KHSRP: variants seen among roughly 807,000 people sequenced by gnomAD.
KHSRP encodes far upstream element-binding protein 2.
Under a neutral mutation model 94.9 loss-of-function variants are expected in KHSRP, and 13 were observed. That is an observed-to-expected ratio of 0.14 (90% confidence interval 0.09 to 0.22). KHSRP has a LOEUF of 0.22. KHSRP is among the 10% of genes least tolerant of loss of function. KHSRP has a pLI of 1.00. For missense variants in KHSRP, 710 were observed against 1,010.0 expected (o/e 0.70, Z 4.03); for synonymous variants, 495 against 401.4 (o/e 1.23, Z -2.79).
At chr19:6,420,242 C>G (rs1428116093) in intron 5 of KHSRP, 98 bp from the exon 6 acceptor site, 7 of 1,209,648 alleles carry the variant, frequency 5.8e-6, no homozygotes, top group African/African-American at 1.5e-5. Flanking sequence ...CTCTGACGTT[C>G]AGGAGGGCAG....
rs577586839 is a variant in KHSRP, at chr19:6,414,511, G to A, written c.*513C>T. 9.5e-6 allele frequency: 10 copies of A among 1,052,684 alleles called. No homozygotes were observed. Among genetic ancestry groups the A allele is most frequent in the East Asian group, 1.5e-4 (2 of 13,118 alleles). The allele number at this position is 1,052,684 out of a possible 1,614,324, so 65.2% of individuals were successfully genotyped here. A position where few individuals can be genotyped will look rare whatever the true frequency, so the allele number is the denominator to read the frequency against. On this transcript the variant is annotated 3_prime_UTR_variant, in exon 19 of 19. Coordinates refer to ENST00000600480, the MANE Select transcript of KHSRP (RefSeq NM_001366299.1). Reference sequence around the variant, plus strand: ...GTGAGGTAGGTTGGAAGGTGGCAACGATCTTCACGCCCACTTCACAGACAA... The same window carrying A: ...GTGAGGTAGGTTGGAAGGTGGCAACAATCTTCACGCCCACTTCACAGACAA...
Position 6,421,329 on chromosome 19 carries a change from A to C in KHSRP, c.386-12T>G. On this transcript the variant is annotated splice_polypyrimidine_tract_variant and intron_variant, in intron 3 of 18. Coordinates refer to ENST00000600480, the MANE Select transcript of KHSRP (RefSeq NM_001366299.1). ...TTGAGAACTGATTGCTGTAGAGAGA[A>C]AACCCAAAGCAAAGACTGGCTTAGC... is the stretch of plus-strand genomic sequence containing the variant. 2 of 1,585,288 alleles carry C rather than the reference A, an allele frequency of 1.3e-6. No homozygotes were observed. The highest frequency in any genetic ancestry group is 1.7e-6 in the Non-Finnish European group (2 of 1,166,192).
intron 11 of KHSRP, among the ~76,000 whole-genome samples, chr19:6,417,293 G>C (rs1043468027): frequency 6.6e-6 from 1 of 152,212 alleles, no homozygotes; most frequent in African/African-American, 2.4e-5. Flanking sequence ...CCAGGAGGTG[G>C]CTCAAGCTTC....
At chr19:6,417,495 A>G (rs1247451333) in intron 11 of KHSRP, among the ~76,000 whole-genome samples, 2 of 152,194 alleles carry the variant, frequency 1.3e-5, no homozygotes, top group Non-Finnish European at 2.9e-5. Context: ...GATAGGCTCC[A>G]TCGTAGGGGG....
chr19:6,415,304 G>A lies in KHSRP; in HGVS notation c.1967-3C>T, dbSNP rs750906937. ...ACCCCCTCCGGTGGCCACTTGCGCTGTGGGTGGACAAAGGCAGGTGAGAGG... is the reference window on the plus strand; with the variant it reads ...ACCCCCTCCGGTGGCCACTTGCGCTATGGGTGGACAAAGGCAGGTGAGAGG... On this transcript the variant is annotated splice_polypyrimidine_tract_variant and splice_region_variant and intron_variant, in intron 18 of 18. Coordinates refer to ENST00000600480, the MANE Select transcript of KHSRP (RefSeq NM_001366299.1). 2 of 1,613,396 alleles carry A rather than the reference G, an allele frequency of 1.2e-6. No individual in the cohort carries two copies. The highest frequency in any genetic ancestry group is 1.7e-6 in the Non-Finnish European group (2 of 1,179,816).
chr19:6,415,889 C>T lies in KHSRP; in HGVS notation c.1606G>A (p.Gly536Arg). 6.6e-7 allele frequency: 1 copy of T among 1,519,794 alleles called. No individual in the cohort carries two copies. Among genetic ancestry groups the T allele is most frequent in the Non-Finnish European group, 8.8e-7 (1 of 1,133,218 alleles). The allele number at this position is 1,519,794 out of a possible 1,614,324, so 94.1% of individuals were successfully genotyped here. A position where few individuals can be genotyped will look rare whatever the true frequency, so the allele number is the denominator to read the frequency against. ...GGTGGGTACTGGTGAGGAGGGGGCC[C>T]CCCGGCACTGCAGGAGAGAAGAAAG... ...GPPGAPPHAG[G>R]PPPHQYPPQG... Residue 536 changes from glycine to arginine, a missense_variant, in exon 16 of 19, where the codon GGG becomes AGG. Physicochemically the swap from Gly to Arg is moderately radical, Grantham distance 125. Transcript: ENST00000600480.
chr19:6,420,008 T>C, intron 6 of KHSRP, 65 bp downstream of exon 6: 1 of 1,249,342 alleles, frequency 8.0e-7, no homozygotes, highest in East Asian at 2.4e-5. Flanking sequence ...AATTAAGTAA[T>C]TAAAGGAAAG....
In KHSRP at chr19:6,413,985, C is replaced by T. The variant is rs1387221421; in HGVS notation, c.*1039G>A. The T allele has an allele frequency of 3.6e-5, 47 of 1,312,906 alleles. No individual in the cohort carries two copies. Among genetic ancestry groups the T allele is most frequent in the East Asian group, 2.7e-4 (10 of 37,686 alleles). The allele number at this position is 1,312,906 out of a possible 1,614,324, so 81.3% of individuals were successfully genotyped here. A position where few individuals can be genotyped will look rare whatever the true frequency, so the allele number is the denominator to read the frequency against. On this transcript the variant is annotated 3_prime_UTR_variant, in exon 19 of 19. Transcript: ENST00000600480. ...CAAGTCCCCCCCACCCTGCTTGCCGCGAGGGCTCCCCAGTACTCCCCACGG... is the reference window on the plus strand; with the variant it reads ...CAAGTCCCCCCCACCCTGCTTGCCGTGAGGGCTCCCCAGTACTCCCCACGG...
chr19:6,418,129 A>AC lies in KHSRP; in HGVS notation c.880-51dup, dbSNP rs771260489. 36 of 1,512,166 alleles carry AC rather than the reference A, an allele frequency of 2.4e-5. No individual in the cohort carries two copies. Among genetic ancestry groups the AC allele is most frequent in the Middle Eastern group, 1.7e-4 (1 of 5,910 alleles). The allele number at this position is 1,512,166 out of a possible 1,614,324, so 93.7% of individuals were successfully genotyped here. A position where few individuals can be genotyped will look rare whatever the true frequency, so the allele number is the denominator to read the frequency against. On this transcript the variant is annotated intron_variant, in intron 9 of 18. Coordinates refer to ENST00000600480, the MANE Select transcript of KHSRP (RefSeq NM_001366299.1). This position sits in a 1 kb window ranked among gnomAD's most constrained non-coding sequence, Gnocchi z 4.3. ...CCATGGGTGAGCCCTGCTGCCCCAC[A>AC]CCCCCCCACCTCCTCGGGGGTGCGG...
In KHSRP at chr19:6,413,147, G is replaced by T. The variant is rs1409625402; in HGVS notation, c.*1877C>A. 6.8e-6 allele frequency among the ~76,000 whole-genome samples: 1 copy of T among 147,382 alleles called. No homozygotes were observed. The highest frequency in any genetic ancestry group is 1.5e-5 in the Non-Finnish European group (1 of 66,706). ...CTTTATTTAACAAAAAAAAAAAAGGGGGGGGGGCACGGTTAGGAAAGCACA... is the reference window on the plus strand; with the variant it reads ...CTTTATTTAACAAAAAAAAAAAAGGTGGGGGGGCACGGTTAGGAAAGCACA... On this transcript the variant is annotated 3_prime_UTR_variant, in exon 19 of 19. Transcript: ENST00000600480.
In KHSRP at chr19:6,418,964, G is replaced by T; in HGVS notation, c.606-88C>A. On this transcript the variant is annotated intron_variant, in intron 7 of 18. Coordinates refer to ENST00000600480, the MANE Select transcript of KHSRP (RefSeq NM_001366299.1). This position sits in a 1 kb window ranked among gnomAD's most constrained non-coding sequence, Gnocchi z 4.3. ...GGCCCACCCAGCTCAAAGGGAAGGC[G>T]ACCCCAGAGTGTGCAAGGATGACAG... is the stretch of plus-strand genomic sequence containing the variant. 1 of 1,351,170 alleles carries T rather than the reference G, an allele frequency of 7.4e-7. No homozygotes were observed. Among genetic ancestry groups the T allele is most frequent in the Non-Finnish European group, 9.8e-7 (1 of 1,016,612 alleles). The allele number at this position is 1,351,170 out of a possible 1,614,324, so 83.7% of individuals were successfully genotyped here.
chr19:6,418,079 G>T lies in KHSRP; in HGVS notation c.880C>A (p.Gln294Lys). ...ATGTCCATCACCATCTCACAGGCTT[G>T]CTGCAAACACACAGGAAGCAGCCCC... The part of the protein sequence containing the change: ...RIIGDPYKVQ[Q>K]ACEMVMDILR... Residue 294 changes from glutamine to lysine, a missense_variant and splice_region_variant, in exon 10 of 19, where the codon CAA becomes AAA. Transcript: ENST00000600480. This position sits in a 1 kb window ranked among gnomAD's most constrained non-coding sequence, Gnocchi z 4.3. The T allele has an allele frequency of 6.2e-7, 1 of 1,613,638 alleles. No individual in the cohort carries two copies. The highest frequency in any genetic ancestry group is 8.5e-7 in the Non-Finnish European group (1 of 1,179,628).
Position 6,413,936 on chromosome 19 carries a change from G to A in KHSRP, c.*1088C>T, listed in dbSNP as rs2092120180. On this transcript the variant is annotated 3_prime_UTR_variant, in exon 19 of 19. Coordinates refer to ENST00000600480, the MANE Select transcript of KHSRP (RefSeq NM_001366299.1). The stretch of plus-strand genomic sequence containing the variant: ...AGCATGTGAGACACAGAACAGGCGA[G>A]AGAGTGAGGGCCCGGCATGCCCCCA... 6 of 755,968 alleles carry A rather than the reference G, an allele frequency of 7.9e-6. No homozygotes were observed. The South Asian group carries it at 1.3e-4, about 16-fold the overall frequency. The allele number at this position is 755,968 out of a possible 1,614,324, so 46.8% of individuals were successfully genotyped here.
At position 6,416,761 on chromosome 19, in the gene KHSRP, T is replaced by G; in HGVS notation, c.1304A>C (p.Lys435Thr). ...ACCTCGGCCGATGACCAGCCCACACTTGTGAGTGGGGATGGAGAAGGTCAT... is the reference window on the plus strand; with the variant it reads ...ACCTCGGCCGATGACCAGCCCACACGTGTGAGTGGGGATGGAGAAGGTCAT... ...GEMTFSIPTH[K>T]CGLVIGRGGE... Residue 435 changes from lysine to threonine, a missense_variant, in exon 13 of 19, where the codon AAG becomes ACG. Lys to Thr is a moderately conservative substitution (Grantham distance 78). Transcript: ENST00000600480. The G allele has an allele frequency of 6.3e-7, 1 of 1,595,996 alleles. No individual in the cohort carries two copies. Among genetic ancestry groups the G allele is most frequent in the Non-Finnish European group, 8.5e-7 (1 of 1,170,076 alleles).
Position 6,416,373 on chromosome 19 carries a change from C to T in KHSRP, c.1523G>A (p.Gly508Asp). 6.2e-7 allele frequency: 1 copy of T among 1,612,034 alleles called. No individual in the cohort carries two copies. The highest frequency in any genetic ancestry group is 8.5e-7 in the Non-Finnish European group (1 of 1,179,326). ...PLCPVGPGPGGPGPAGPMGPF... is the reference protein window; with the variant it reads ...PLCPVGPGPGDPGPAGPMGPF... Reference sequence around the variant, plus strand: ...CCCCATTGGGCCAGCAGGGCCTGGGCCACCTGGGCCTGGTCCAACTGGGCA... The same window carrying T: ...CCCCATTGGGCCAGCAGGGCCTGGGTCACCTGGGCCTGGTCCAACTGGGCA... Residue 508 changes from glycine to aspartate, a missense_variant, in exon 15 of 19, where the codon GGC becomes GAC. Transcript: ENST00000600480.
chr19:6,416,583 T>G lies in KHSRP; in HGVS notation c.1395A>C (p.Pro465=), dbSNP rs1191757453. ...GAFVEISRQL[P]PNGDPNFKLF... is the part of the protein sequence containing the mutation. ...ACTTGAAGTTGGGGTCCCCGTTGGG[T>G]GGCAGCTGCCGGGAGATCTCTACGA... Residue 465 remains proline (P), a synonymous_variant, in exon 14 of 19, where the codon CCA becomes CCC. Transcript: ENST00000600480. 6.2e-7 allele frequency: 1 copy of G among 1,613,638 alleles called. No individual in the cohort carries two copies. The highest frequency in any genetic ancestry group is 8.5e-7 in the Non-Finnish European group (1 of 1,179,694).
chr19:6,421,277 C>A lies in KHSRP; in HGVS notation c.425+1G>T. On this transcript the variant is annotated splice_donor_variant, in intron 4 of 18. Coordinates refer to ENST00000600480, the MANE Select transcript of KHSRP (RefSeq NM_001366299.1). LOFTEE classifies it high-confidence loss of function. ...GCAGTGTGGGCCCCACCATGGCTTA[C>A]CTTGGGGGAGGATGGATGGGTCCAA... 1 of 1,586,998 alleles carries A rather than the reference C, an allele frequency of 6.3e-7. No homozygotes were observed.
rs1248369568 is a variant in KHSRP at position 6,415,531 on chromosome 19, C to T, written c.1888+3G>A. 6.5e-7 allele frequency: 1 copy of T among 1,543,992 alleles called. No individual in the cohort carries two copies. The highest frequency in any genetic ancestry group is 8.7e-7 in the Non-Finnish European group (1 of 1,143,668). On this transcript the variant is annotated splice_donor_region_variant and intron_variant, in intron 17 of 18. Transcript: ENST00000600480. Reference sequence around the variant, plus strand: ...GAGCCCCCCCGCCACCCTGCAGACTCACCGATCTTTTTGTAATACTCTTCC... The same window carrying T: ...GAGCCCCCCCGCCACCCTGCAGACTTACCGATCTTTTTGTAATACTCTTCC...
At position 6,416,992 on chromosome 19, in the gene KHSRP, G is replaced by T. The variant is rs369068135; in HGVS notation, c.1177C>A (p.Leu393Ile). Residue 393 changes from leucine (L) to isoleucine (I), a missense_variant, in exon 12 of 19, where the codon CTC (leucine) becomes ATC (isoleucine). This residue lies in a region of KHSRP where 288 missense variants were observed against 501.1 expected (regional missense o/e 0.57). Transcript: ENST00000600480. ...ARIINDLLQS[L>I]RSGPPGPPGG... ...CAGCACCCGGGGCCACCTACCCTGA[G>T]GCTCTGGAGGAGGTCGTTGATGATC... The T allele has an allele frequency of 6.2e-7, 1 of 1,613,644 alleles. No homozygotes were observed. Among genetic ancestry groups the T allele is most frequent in the African/African-American group, 1.3e-5 (1 of 74,914 alleles).
Sources: allele counts gnomAD v4.1 joint callset (sites outside exome capture counted in the v4.1 genomes callset), GRCh38; gene constraint gnomAD v4.1.1; regional missense constraint gnomAD v4.1.1; non-coding constraint Gnocchi (gnomAD v3.1); transcripts MANE v1.5; gene names NCBI Gene and HGNC (gene_info 2026-07-23, HGNC 2026-07-21).